Variants in TECTB observed in about 807,000 individuals in gnomAD.
The protein encoded by TECTB is tectorin beta, also known as beta-tectorin.
Under a neutral mutation model 43.3 loss-of-function variants are expected in TECTB, and 45 were observed. That is an observed-to-expected ratio of 1.04 (90% CI 0.82 to 1.33). The LOEUF is 1.33. Ranked by LOEUF, TECTB falls within the 40% of genes most tolerant of loss-of-function variation. TECTB has a pLI of 0.00. For synonymous variants in TECTB, 169 were observed against 156.7 expected, an observed-to-expected ratio of 1.08 and a Z score of -0.59; for missense variants, 399 against 404.7, an observed-to-expected ratio of 0.99 and a Z score of 0.12.
chr10:112,297,989 C>T, intron 7 of TECTB, 80 bp from the exon 8 acceptor site: 2 of 1,592,726 alleles, frequency 1.3e-6, no homozygotes, highest in Non-Finnish European at 1.7e-6. Context: ...ACCTCGGGAG[C>T]CTTGTGTGTA....
intron 9 of TECTB, among the ~76,000 whole-genome samples, 192 bp from the exon 10 acceptor site, chr10:112,301,909 T>G (rs1051838206): frequency 6.6e-6 from 1 of 152,148 alleles, no homozygotes; most frequent in East Asian, 1.9e-4. Context: ...CAGGGTTTCA[T>G]CATGTTGCCC....
chr10:112,300,279 A>AAAGAAAAGAAAGAAAGAAAGAAAGAAAG (rs1361291056), intron 9 of TECTB, among the ~76,000 whole-genome samples: 41 of 48,302 alleles, frequency 8.5e-4, no homozygotes, highest in Non-Finnish European at 1.2e-3. Flanking sequence ...AGAAAGAAAG[A>AAAGAAAAGAAAGAAAGAAAGAAAGAAAG]AAAGAAAGAA....
Position 112,304,261 on chromosome 10 carries a change from A to G in TECTB, c.*949A>G, listed in dbSNP as rs1848634719. The G allele has an allele frequency of 6.6e-6, 1 of 152,252 alleles. No homozygotes were observed. The highest frequency in any genetic ancestry group is 6.5e-5 in the Admixed American group (1 of 15,288). 9.4% of individuals were successfully genotyped at this position (152,252 alleles called of 1,614,324 possible). On this transcript the variant is annotated 3_prime_UTR_variant, in exon 11 of 11. Transcript: ENST00000646139. ...CTACTAAGAAGTTTTCATTTATAAGAAATGGTCTGATCTCATTTAGCTTTT... is the reference window on the plus strand; with the variant it reads ...CTACTAAGAAGTTTTCATTTATAAGGAATGGTCTGATCTCATTTAGCTTTT...
At position 112,304,124 on chromosome 10, in the gene TECTB, C is replaced by A. The variant is rs1208254144; in HGVS notation, c.*812C>A. The A allele has an allele frequency of 6.6e-6, 1 of 152,172 alleles. No individual in the cohort carries two copies. Among genetic ancestry groups the A allele is most frequent in the African/African-American group, 2.4e-5 (1 of 41,422 alleles). The allele number at this position is 152,172 out of a possible 1,614,324, so 9.4% of individuals were successfully genotyped here. On this transcript the variant is annotated 3_prime_UTR_variant, in exon 11 of 11. Coordinates refer to ENST00000646139, the MANE Select transcript of TECTB (RefSeq NM_058222.3). ...CGGCATTGCCCCAGTGAAACTGCTG[C>A]TGGAAACATGACTATAAAGTGACTC...
At chr10:112,302,046 C>T in intron 9 of TECTB, 55 bp from the exon 10 acceptor site, 1 of 1,600,322 alleles carries the variant, frequency 6.2e-7, no homozygotes, top group Non-Finnish European at 8.6e-7. Context: ...TCTGAGACTT[C>T]TCCTTTCCAT....
chr10:112,300,287 G>GA lies in TECTB; in HGVS notation c.907+726dup, dbSNP rs1260805818. On this transcript the variant is annotated intron_variant, in intron 9 of 10. Transcript: ENST00000646139. ...GAAAGAAAGAAAGAAAGAAAAGAAAGAAAGAAAGAAAGAAAGAAAGAAAGA... is the reference window on the plus strand; with the variant it reads ...GAAAGAAAGAAAGAAAGAAAAGAAAGAAAAGAAAGAAAGAAAGAAAGAAAGA... Among the ~76,000 whole-genome samples the GA allele has an allele frequency of 3.8e-3, 262 of 69,314 alleles. 1 individual carries two copies. Among genetic ancestry groups the GA allele is most frequent in the African/African-American group, 8.1e-3 (120 of 14,854 alleles). The allele number at this position is 69,314 out of a possible 152,430, so 45.5% of individuals were successfully genotyped here.
At chr10:112,297,873 G>A (rs553253903) in intron 7 of TECTB, among the ~76,000 whole-genome samples, 196 bp from the exon 8 acceptor site, 8 of 152,182 alleles carry the variant, frequency 5.3e-5, no homozygotes, top group African/African-American at 1.9e-4. Context: ...ATAGAATGAG[G>A]ACAGTAATAC....
At chr10:112,294,470 A>AACC (rs1285442508) in intron 7 of TECTB, among the ~76,000 whole-genome samples, 1 of 152,160 alleles carries the variant, frequency 6.6e-6, no homozygotes, top group Admixed American at 6.5e-5. Context: ...CTGACAACAG[A>AACC]ACCACGGTGA....
intron 5 of TECTB, among the ~76,000 whole-genome samples, chr10:112,288,078 G>A (rs1054014868): frequency 6.6e-5 from 10 of 152,192 alleles, no homozygotes; most frequent in African/African-American, 2.4e-4. Context: ...GAGGAAAATT[G>A]GCTTCTGCGC....
chr10:112,300,279 AAAAGAAAGAAAGAAAG>A (rs71303596), intron 9 of TECTB, among the ~76,000 whole-genome samples: 3 of 48,362 alleles, frequency 6.2e-5, no homozygotes, highest in African/African-American at 1.8e-4. Flanking sequence ...AGAAAGAAAG[AAAAGAAAGAAAGAAAG>A]AAAGAAAGAA....
rs371767215 is a variant in TECTB at position 112,296,939 on chromosome 10, T to C, written c.672-1130T>C. Among the ~76,000 whole-genome samples, 174 of 152,182 alleles carry C rather than the reference T, an allele frequency of 1.1e-3. 4 individuals are homozygous for C. In the South Asian group the frequency reaches 0.035, roughly 31 times the overall value. ...TCTGACGCTTTCGAAACATAGACCT[T>C]TTCCTGCAGAGCGACAGACCCTGCT... is the stretch of plus-strand genomic sequence containing the variant. On this transcript the variant is annotated intron_variant, in intron 7 of 10. Coordinates refer to ENST00000646139, the MANE Select transcript of TECTB (RefSeq NM_058222.3).
intron 5 of TECTB, among the ~76,000 whole-genome samples, chr10:112,287,936 C>CT (rs1848468126): frequency 6.6e-6 from 1 of 152,198 alleles, no homozygotes. Flanking sequence ...CCACACACCA[C>CT]TAGTCGTTAA....
In TECTB at chr10:112,298,100, G is replaced by A. The variant is rs1222692374; in HGVS notation, c.703G>A (p.Glu235Lys). The A allele has an allele frequency of 3.1e-6, 5 of 1,614,116 alleles. No homozygotes were observed. The African/African-American group carries it at 4.0e-5, about 13-fold the overall frequency. The change falls in exon 8 of 11, where the codon GAG becomes AAG. Residue 235 changes from glutamate (E) to lysine (K), a missense_variant. Transcript: ENST00000646139. Reference sequence around the variant, plus strand: ...CACGGATGAAACCGTCCTCGTGCATGAGAATGGGAGAGATCACAGGGCAAC... The same window carrying A: ...CACGGATGAAACCGTCCTCGTGCATAAGAATGGGAGAGATCACAGGGCAAC... ...CPTDETVLVH[E>K]NGRDHRATFQ...
At chr10:112,300,162 CAAAA>C (rs1306586232) in intron 9 of TECTB, among the ~76,000 whole-genome samples, 1 of 39,940 alleles carries the variant, frequency 2.5e-5, no homozygotes, top group Non-Finnish European at 5.5e-5. Flanking sequence ...AACTCCGTCT[CAAAA>C]AAAAAAAAAA....
At chr10:112,294,215 T>C (rs906609489) in intron 7 of TECTB, among the ~76,000 whole-genome samples, 154 bp downstream of exon 7, 1 of 152,184 alleles carries the variant, frequency 6.6e-6, no homozygotes, top group Non-Finnish European at 1.5e-5. Context: ...GAACAAATAC[T>C]AAGAAACAGG....
At position 112,303,348 on chromosome 10, in the gene TECTB, A is replaced by G. The variant is rs762600650; in HGVS notation, c.*36A>G. ...GGCAGCTGCCGCTCCTCCACCCACA[A>G]TAGTCCTCAGCGAATGACAAACACA... On this transcript the variant is annotated 3_prime_UTR_variant, in exon 11 of 11. Transcript: ENST00000646139. The G allele has an allele frequency of 2.5e-6, 4 of 1,612,572 alleles. No homozygotes were observed. Among genetic ancestry groups the G allele is most frequent in the East Asian group, 2.2e-5 (1 of 44,888 alleles).
At chr10:112,302,345 A>C in intron 10 of TECTB, 1 of 516,732 alleles carries the variant, frequency 1.9e-6, no homozygotes, top group Non-Finnish European at 3.3e-6. Flanking sequence ...AACCGAAGGT[A>C]AATCGGATGA....
chr10:112,286,441 G>A (rs1205534511), intron 5 of TECTB, 50 bp downstream of exon 5: 1 of 1,555,614 alleles, frequency 6.4e-7, no homozygotes, highest in Non-Finnish European at 8.8e-7. Flanking sequence ...TTCCTTTCTA[G>A]GAGATGGTGG....
intron 9 of TECTB, among the ~76,000 whole-genome samples, chr10:112,300,240 AAG>A: frequency 3.3e-5 from 1 of 29,872 alleles, no homozygotes; most frequent in East Asian, 1.2e-3. Context: ...TAAAGAAAGA[AAG>A]AAAGAAAGAA....
Sources: gnomAD v4.1 joint callset for allele counts (sites outside exome capture counted in the v4.1 genomes callset) on GRCh38, gnomAD v4.1.1 for gene constraint, MANE v1.5 for transcripts, NCBI Gene and HGNC (gene_info 2026-07-23, HGNC 2026-07-21) for gene names.